GNL2: variants seen among roughly 807,000 people sequenced by gnomAD.
GNL2 encodes the protein G protein nucleolar 2.
Under a neutral mutation model 92.3 loss-of-function variants are expected in GNL2, and 51 were observed. That is an observed-to-expected ratio of 0.55 (90% CI 0.44 to 0.70). The LOEUF (loss-of-function observed/expected upper bound fraction) is 0.70, where lower values mean the gene tolerates loss of function less well. Ranked by LOEUF, GNL2 falls within the 30% of genes least tolerant of loss-of-function variation. GNL2 has a pLI of 0.00. For synonymous variants in GNL2, 283 were observed against 300.6 expected (o/e 0.94, Z 0.61); for missense variants, 844 against 895.6 (o/e 0.94, Z 0.74).
chr1:37,592,859 G>A (rs779408837), intron 2 of GNL2, 53 bp from the exon 3 acceptor site: 10 of 986,608 alleles, frequency 1.0e-5, no homozygotes, highest in Admixed American at 1.8e-5. Context: ...TGGCAACAGC[G>A]AAGTTTGATT....
At chr1:37,567,409 G>A (rs916954157) in intron 15 of GNL2, among the ~76,000 whole-genome samples, 36 of 152,132 alleles carry the variant, frequency 2.4e-4, no homozygotes, top group Non-Finnish European at 4.3e-4. Flanking sequence ...TCATTGGGTC[G>A]TTTCCCTTGG....
At chr1:37,581,337 G>C in intron 8 of GNL2, 1 of 455,906 alleles carries the variant, frequency 2.2e-6, no homozygotes, top group Non-Finnish European at 4.4e-6. Context: ...CAAAATGACA[G>C]GTACAGAACA....
rs758262856 is a variant in GNL2, at chr1:37,568,334, T to C, written c.1892A>G (p.Lys631Arg). 1.2e-6 allele frequency: 2 copies of C among 1,609,304 alleles called. No homozygotes were observed. The highest frequency in any genetic ancestry group is 1.7e-5 in the Admixed American group (1 of 60,014). Residue 631 changes from lysine (K) to arginine (R), a missense_variant, in exon 14 of 16, where the codon AAG becomes AGG. Coordinates refer to ENST00000373062, the MANE Select transcript of GNL2 (RefSeq NM_013285.3). ...AVRISKGLSEKIFAKPEEQRK... is the reference protein window; with the variant it reads ...AVRISKGLSERIFAKPEEQRK... Reference sequence around the variant, plus strand: ...TTGTTCTTCAGGTTTTGCAAATATCTTTTCACTCAGTCCCTTGGATATTCT... The same window carrying C: ...TTGTTCTTCAGGTTTTGCAAATATCCTTTCACTCAGTCCCTTGGATATTCT...
intron 8 of GNL2, 25 bp from the exon 9 acceptor site, chr1:37,576,581 A>C (rs201288080): frequency 6.2e-7 from 1 of 1,609,918 alleles, no homozygotes; most frequent in East Asian, 2.2e-5. Flanking sequence ...AATACACAGC[A>C]CATACATGCA....
In GNL2 at chr1:37,568,366, G is replaced by A; in HGVS notation, c.1869-9C>T. ...TCAGTCCCTTGGATATTCTGAAACAGAAAAGCAAAGTAACATTCCTCCTCT... is the reference window on the plus strand; with the variant it reads ...TCAGTCCCTTGGATATTCTGAAACAAAAAAGCAAAGTAACATTCCTCCTCT... On this transcript the variant is annotated splice_polypyrimidine_tract_variant and intron_variant, in intron 13 of 15. Coordinates refer to ENST00000373062, the MANE Select transcript of GNL2 (RefSeq NM_013285.3). The A allele has an allele frequency of 6.4e-7, 1 of 1,571,920 alleles. No homozygotes were observed. Among genetic ancestry groups the A allele is most frequent in the Non-Finnish European group, 8.8e-7 (1 of 1,141,850 alleles).
intron 3 of GNL2, among the ~76,000 whole-genome samples, chr1:37,592,058 T>A (rs987207683): frequency 6.6e-6 from 1 of 152,178 alleles, no homozygotes; most frequent in South Asian, 2.1e-4. Context: ...ACTGAAAGTA[T>A]AAGAGACTCA....
rs1351976355 is a variant in GNL2, at chr1:37,583,871, T to C, written c.632A>G (p.Tyr211Cys). 51 of 1,551,014 alleles carry C rather than the reference T, an allele frequency of 3.3e-5. No individual in the cohort carries two copies. Among genetic ancestry groups the C allele is most frequent in the Admixed American group, 5.0e-5 (3 of 59,938 alleles). Reference sequence around the variant, plus strand: ...GAGAGAATTTAGGAGTCTTACCTTGTAGAGCTCACCCCATATTCTTTTGGA... The same window carrying C: ...GAGAGAATTTAGGAGTCTTACCTTGCAGAGCTCACCCCATATTCTTTTGGA... The part of the protein sequence containing the change: ...GQSKRIWGEL[Y>C]KVIDSSDVVV... Residue 211 changes from tyrosine to cysteine, a missense_variant, in exon 6 of 16, where the codon TAC becomes TGC. Coordinates refer to ENST00000373062, the MANE Select transcript of GNL2 (RefSeq NM_013285.3).
intron 12 of GNL2, among the ~76,000 whole-genome samples, chr1:37,573,070 A>G (rs1452847123): frequency 6.6e-6 from 1 of 152,200 alleles, no homozygotes; most frequent in East Asian, 1.9e-4. Context: ...CCAACAGGAG[A>G]CACTCAATAT....
intron 12 of GNL2, among the ~76,000 whole-genome samples, chr1:37,572,540 A>G (rs1356489862): frequency 1.3e-5 from 2 of 152,272 alleles, no homozygotes; most frequent in African/African-American, 4.8e-5. Flanking sequence ...TGAAACCTCC[A>G]TAAAAACCCC....
chr1:37,585,040 T>A (rs1171376209), intron 5 of GNL2, among the ~76,000 whole-genome samples: 1 of 145,068 alleles, frequency 6.9e-6, no homozygotes, highest in African/African-American at 2.5e-5. Flanking sequence ...CGAGATCACA[T>A]CAAATGGTTA....
chr1:37,582,731 C>G (rs112227489), intron 7 of GNL2, 47 bp downstream of exon 7: 17 of 1,476,272 alleles, frequency 1.2e-5, no homozygotes, highest in Non-Finnish European at 1.5e-5. Flanking sequence ...AACTGACTTA[C>G]TAACAGATGT....
intron 3 of GNL2, among the ~76,000 whole-genome samples, chr1:37,592,337 A>G (rs1279569250): frequency 6.6e-6 from 1 of 152,162 alleles, no homozygotes; most frequent in African/African-American, 2.4e-5. Flanking sequence ...TTTCAGAGGA[A>G]CTTCGGGCTA....
intron 4 of GNL2, 127 bp downstream of exon 4, chr1:37,590,579 G>C: frequency 1.3e-6 from 1 of 751,050 alleles, no homozygotes; most frequent in Non-Finnish European, 2.3e-6. Flanking sequence ...AGAGGTCTTA[G>C]AAAGTTCATC....
In GNL2 at chr1:37,566,875, T is replaced by G. The variant is rs771687458; in HGVS notation, c.2176A>C (p.Lys726Gln). 1 of 1,613,446 alleles carries G rather than the reference T, an allele frequency of 6.2e-7. No individual in the cohort carries two copies. The highest frequency in any genetic ancestry group is 1.1e-5 in the South Asian group (1 of 90,736). ...AAACATTACTGCTTTTGTCTGAATT[T>G]TTTGCGTTTGTGTTTCTGTCCCTCT... ...DSEGQKHKRK[K>Q]FRQKQ Residue 726 changes from lysine to glutamine, a missense_variant, in exon 16 of 16, where the codon AAA (lysine) becomes CAA (glutamine). Coordinates refer to ENST00000373062, the MANE Select transcript of GNL2 (RefSeq NM_013285.3).
At chr1:37,581,930 T>G (rs1045324117) in intron 8 of GNL2, among the ~76,000 whole-genome samples, 3 of 152,216 alleles carry the variant, frequency 2.0e-5, no homozygotes, top group East Asian at 1.9e-4. Flanking sequence ...CCCAAAGTGC[T>G]GGGATTACAG....
In GNL2 at chr1:37,583,777, C is replaced by G; in HGVS notation, c.636+90G>C. 5 of 808,964 alleles carry G rather than the reference C, an allele frequency of 6.2e-6. No individual in the cohort carries two copies. In the South Asian group the frequency reaches 7.0e-5, roughly 11 times the overall value. The allele number at this position is 808,964 out of a possible 1,614,324, so 50.1% of individuals were successfully genotyped here. On this transcript the variant is annotated intron_variant, in intron 6 of 15. Coordinates refer to ENST00000373062, the MANE Select transcript of GNL2 (RefSeq NM_013285.3). ...GCAGTGGTGCCTGTACTCTGCGCAA[C>G]AGAGCTTCAATATATCAAAATTAGT... is the stretch of plus-strand genomic sequence containing the variant.
chr1:37,592,264 C>T (rs1383337917), intron 3 of GNL2, among the ~76,000 whole-genome samples: 1 of 152,124 alleles, frequency 6.6e-6, no homozygotes. Flanking sequence ...CACTGTTGGA[C>T]AGTTCAACAG....
intron 5 of GNL2, 48 bp downstream of exon 5, chr1:37,587,263 T>C (rs1643862438): frequency 2.4e-6 from 3 of 1,250,310 alleles, no homozygotes; most frequent in Non-Finnish European, 3.3e-6. Flanking sequence ...CAAGACTCCA[T>C]CTCAAAAAAA....
Position 37,576,469 on chromosome 1 carries a change from T to C in GNL2, c.997A>G (p.Lys333Glu), listed in dbSNP as rs1451752985. 3.7e-6 allele frequency: 6 copies of C among 1,613,980 alleles called. No homozygotes were observed. The African/African-American group carries it at 4.0e-5, about 11-fold the overall frequency. ...KSSVINTLRSKKVCNVAPIAG... is the reference protein window; with the variant it reads ...KSSVINTLRSEKVCNVAPIAG... ...ATGGGAGCCACGTTGCAAACTTTCT[T>C]AGAACGCAATGTATTTATCACAGAG... is the stretch of plus-strand genomic sequence containing the variant. Residue 333 changes from lysine (K) to glutamate (E), a missense_variant, in exon 9 of 16, where the codon AAG (lysine) becomes GAG (glutamate). Lys to Glu is a moderately conservative substitution (Grantham distance 56). Transcript: ENST00000373062.
Sources: gnomAD v4.1 joint callset for allele counts (sites outside exome capture counted in the v4.1 genomes callset) on GRCh38, gnomAD v4.1.1 for gene constraint, MANE v1.5 for transcripts, NCBI Gene and HGNC (gene_info 2026-07-23, HGNC 2026-07-21) for gene names.